The following CPZ variants were observed in gnomAD, a reference collection of about 807,000 sequenced individuals.
The protein encoded by CPZ is VEZT/CPZ fusion.
In CPZ, 103 loss-of-function variants were observed where a neutral mutation model predicts 61.8. That is an observed-to-expected ratio of 1.67 (90% CI 1.42 to 1.96). The LOEUF (loss-of-function observed/expected upper bound fraction) is 1.96. CPZ is among the 30% of genes most tolerant of loss of function. CPZ has a pLI of 0.00. For missense variants in CPZ, 1,461 were observed against 914.9 expected, an observed-to-expected ratio of 1.60 and a Z score of -7.70; for synonymous variants, 551 against 373.7, an observed-to-expected ratio of 1.47 and a Z score of -5.47.
intron 5 of CPZ, 135 bp from the exon 6 acceptor site, chr4:8,606,602 C>T (rs1715029265): frequency 7.0e-6 from 8 of 1,135,566 alleles, no homozygotes; most frequent in Non-Finnish European, 1.0e-5. Context: ...TCAGGCATGC[C>T]CCCGAGCTCA....
Position 8,598,032 on chromosome 4 carries a change from T to C in CPZ, c.89-1421T>C, listed in dbSNP as rs373702908. Among the ~76,000 whole-genome samples, 16 of 152,152 alleles carry C rather than the reference T, an allele frequency of 1.1e-4. No homozygotes were observed. The East Asian group carries it at 1.4e-3, about 13-fold the overall frequency. On this transcript the variant is annotated intron_variant, in intron 1 of 10. Coordinates refer to ENST00000360986, the MANE Select transcript of CPZ (RefSeq NM_001014447.3). ...TGCCAGCTTGGACAGGGAGGGAGAG[T>C]GAGCCCAAGGGCAGCCGTGTCTTCC...
intron 7 of CPZ, among the ~76,000 whole-genome samples, chr4:8,609,027 C>CTTCACTCACCCATTCA (rs1715297148): frequency 3.8e-5 from 3 of 79,898 alleles, no homozygotes; most frequent in African/African-American, 2.6e-4. Flanking sequence ...TAACTCACTC[C>CTTCACTCACCCATTCA]TTCACTCACC....
intron 2 of CPZ, chr4:8,600,862 G>A (rs1714523251): frequency 1.8e-6 from 2 of 1,116,392 alleles, no homozygotes; most frequent in Non-Finnish European, 2.3e-6. Context: ...CTTTGCAGAT[G>A]GAGACGCCGA....
chr4:8,601,001 C>G, intron 2 of CPZ, 122 bp from the exon 3 acceptor site: 1 of 1,426,770 alleles, frequency 7.0e-7, no homozygotes, highest in Non-Finnish European at 9.2e-7. Flanking sequence ...CCTCCCCTGC[C>G]AGACCGTGGG....
intron 1 of CPZ, 126 bp from the exon 2 acceptor site, chr4:8,599,327 G>T: frequency 9.1e-7 from 1 of 1,099,084 alleles, no homozygotes. Flanking sequence ...AAGACTCCAT[G>T]AGATGGAGCT....
chr4:8,619,535 C>A lies in CPZ; in HGVS notation c.1877C>A (p.Ser626Ter). ...PDPLRARRQP[S>*]ADGSKPWWWS... ...CCGCTCCGGGCGCGCAGGCAGCCCTCGGCCGACGGGAGTAAGCCCTGGTGG... is the reference window on the plus strand; with the variant it reads ...CCGCTCCGGGCGCGCAGGCAGCCCTAGGCCGACGGGAGTAAGCCCTGGTGG... Residue 626 changes from serine (S) to a stop codon, truncating the protein, a stop_gained, in exon 11 of 11, where the codon TCG (serine) becomes TAG (stop). Coordinates refer to ENST00000360986, the MANE Select transcript of CPZ (RefSeq NM_001014447.3). LOFTEE classifies it high-confidence loss of function. 6.3e-7 allele frequency: 1 copy of A among 1,579,852 alleles called. No individual in the cohort carries two copies. The highest frequency in any genetic ancestry group is 8.6e-7 in the Non-Finnish European group (1 of 1,161,946).
intron 5 of CPZ, 147 bp from the exon 6 acceptor site, chr4:8,606,590 G>A (rs1715027776): frequency 9.8e-7 from 1 of 1,019,836 alleles, no homozygotes. Flanking sequence ...GGAGGCCAAG[G>A]GTCAGGCATG....
At chr4:8,618,626 C>G in intron 10 of CPZ, 98 bp downstream of exon 10, 1 of 1,168,336 alleles carries the variant, frequency 8.6e-7, no homozygotes, top group Non-Finnish European at 1.2e-6. Flanking sequence ...TGTGCCCAGC[C>G]CTCAGCAGGA....
chr4:8,605,598 T>TCATCCATCCATC (rs200204306), intron 4 of CPZ, among the ~76,000 whole-genome samples: 1 of 141,332 alleles, frequency 7.1e-6, no homozygotes, highest in Admixed American at 6.9e-5. Flanking sequence ...CAGCCATTAT[T>TCATCCATCCATC]CATCCATCCA....
intron 5 of CPZ, 45 bp from the exon 6 acceptor site, chr4:8,606,692 G>A: frequency 6.2e-7 from 1 of 1,611,034 alleles, no homozygotes; most frequent in Non-Finnish European, 8.5e-7. Context: ...GGAGGAGGGT[G>A]GGGTGTGCTG....
intron 1 of CPZ, among the ~76,000 whole-genome samples, chr4:8,596,328 G>T (rs1172803374): frequency 6.6e-6 from 1 of 152,242 alleles, no homozygotes; most frequent in Admixed American, 6.5e-5. Context: ...GGGATTACAG[G>T]TGTGGGCCAC....
chr4:8,618,447 G>A lies in CPZ; in HGVS notation c.1522G>A (p.Gly508Ser), dbSNP rs772375957. Reference sequence around the variant, plus strand: ...TCTTCAGGTGCACCGGGGCATCAAAGGTGTGGTGACAGATAAATTCGGCAA... The same window carrying A: ...TCTTCAGGTGCACCGGGGCATCAAAAGTGTGGTGACAGATAAATTCGGCAA... ...FVETVHRGIK[G>S]VVTDKFGKPV... is the part of the protein sequence containing the mutation. The change falls in exon 10 of 11, where the codon GGT becomes AGT. Residue 508 changes from glycine (G) to serine (S), a missense_variant. Physicochemically the swap from Gly to Ser is moderately conservative, Grantham distance 56. Transcript: ENST00000360986. The A allele has an allele frequency of 1.9e-6, 3 of 1,614,204 alleles. No individual in the cohort carries two copies. Among genetic ancestry groups the A allele is most frequent in the Admixed American group, 1.7e-5 (1 of 60,030 alleles).
chr4:8,605,180 C>T (rs1714845107), intron 4 of CPZ, among the ~76,000 whole-genome samples: 1 of 152,234 alleles, frequency 6.6e-6, no homozygotes, highest in Admixed American at 6.5e-5. Flanking sequence ...GTCCCTGGGC[C>T]ACACACAGCT....
At chr4:8,607,531 A>G in intron 7 of CPZ, 106 bp downstream of exon 7, 1 of 1,352,800 alleles carries the variant, frequency 7.4e-7, no homozygotes, top group South Asian at 1.4e-5. Context: ...AGCTCCTAGG[A>G]ACCTCTACTC....
At position 8,606,832 on chromosome 4, in the gene CPZ, G is replaced by T. The variant is rs761452049; in HGVS notation, c.1002G>T (p.Arg334=). The T allele has an allele frequency of 2.7e-5, 44 of 1,613,890 alleles. No homozygotes were observed. The South Asian group carries it at 4.1e-4, about 15-fold the overall frequency. The change falls in exon 6 of 11, where the codon CGG becomes CGT. Residue 334 remains arginine (R), a synonymous_variant. Transcript: ENST00000360986. ...CGGACCTGACGTCCGAGTACTACCG[G>T]CTGGCGGAGACCCGCGGCGCACGCA... ...NFPDLTSEYY[R]LAETRGARSD...
At chr4:8,615,676 C>T (rs1716104717) in intron 9 of CPZ, among the ~76,000 whole-genome samples, 1 of 152,136 alleles carries the variant, frequency 6.6e-6, no homozygotes, top group African/African-American at 2.4e-5. Flanking sequence ...GCTCCAGGCT[C>T]CCAATGTCTG....
At chr4:8,599,000 T>C (rs2109313860) in intron 1 of CPZ, among the ~76,000 whole-genome samples, 1 of 152,312 alleles carries the variant, frequency 6.6e-6, no homozygotes, top group South Asian at 2.1e-4. Flanking sequence ...CAGTGCCTGC[T>C]GGTGAGGGCT....
chr4:8,607,526 C>T, intron 7 of CPZ, 101 bp downstream of exon 7: 4 of 1,365,308 alleles, frequency 2.9e-6, no homozygotes, highest in Non-Finnish European at 4.0e-6. Flanking sequence ...GGCAAAGCTC[C>T]TAGGAACCTC....
chr4:8,617,480 T>C (rs1021823497), intron 9 of CPZ, among the ~76,000 whole-genome samples: 1 of 152,228 alleles, frequency 6.6e-6, no homozygotes, highest in African/African-American at 2.4e-5. Flanking sequence ...ATATAAAGTA[T>C]TTAAAATTAT....
Sources: allele counts gnomAD v4.1 joint callset (sites outside exome capture counted in the v4.1 genomes callset), GRCh38; gene constraint gnomAD v4.1.1; transcripts MANE v1.5; gene names NCBI Gene and HGNC (gene_info 2026-07-23, HGNC 2026-07-21).